The following HAGH variants were observed in gnomAD, a reference collection of about 807,000 sequenced individuals.
HAGH encodes the protein hydroxyacylglutathione hydrolase.
In HAGH, 29 loss-of-function variants were observed where a neutral mutation model predicts 35.1. That is an observed-to-expected ratio of 0.83 (90% confidence interval 0.62 to 1.13). HAGH has a LOEUF of 1.13. Among genes scored for constraint, HAGH ranks in the 50% most tolerant of loss-of-function variants. HAGH has a pLI of 0.00. For missense variants in HAGH, 478 were observed against 419.6 expected, an observed-to-expected ratio of 1.14 and a Z score of -1.22; for synonymous variants, 225 against 176.1, an observed-to-expected ratio of 1.28 and a Z score of -2.20.
At chr16:1,809,956 G>A in intron 7 of HAGH, 123 bp from the exon 8 acceptor site, 1 of 718,226 alleles carries the variant, frequency 1.4e-6, no homozygotes, top group Non-Finnish European at 2.5e-6. Flanking sequence ...TTGAGCCCTG[G>A]AGTTTGAGAC....
upstream of HAGH, chr16:1,827,144 G>GA (rs1898480924): frequency 1.3e-6 from 2 of 1,496,516 alleles, no homozygotes; most frequent in Non-Finnish European, 1.8e-6. Flanking sequence ...CGCTGCGGGG[G>GA]ACAGCGTTCC....
intron 5 of HAGH, among the ~76,000 whole-genome samples, chr16:1,817,819 G>C (rs1897976433): frequency 6.6e-6 from 1 of 152,202 alleles, no homozygotes; most frequent in South Asian, 2.1e-4. Flanking sequence ...GTCCCCGCTT[G>C]CCCTCCTCTT....
chr16:1,823,328 C>T (rs914134863), intron 1 of HAGH, among the ~76,000 whole-genome samples: 6 of 147,916 alleles, frequency 4.1e-5, no homozygotes, highest in Admixed American at 3.4e-4. Context: ...AGTGCAGTGG[C>T]GCGATCTCGG....
intron 7 of HAGH, among the ~76,000 whole-genome samples, chr16:1,814,932 C>T (rs201270694): frequency 1.5e-5 from 2 of 134,834 alleles, no homozygotes; most frequent in East Asian, 5.2e-4. Flanking sequence ...TATGTATATA[C>T]ACACACACAC....
chr16:1,822,213 G>C (rs921987308), intron 3 of HAGH, 87 bp downstream of exon 3: 29 of 814,650 alleles, frequency 3.6e-5, no homozygotes, highest in African/African-American at 3.0e-4. Context: ...ACAGAGCCGT[G>C]GGGGGAGACA....
chr16:1,822,443 G>C (rs574472717), intron 2 of HAGH, 79 bp from the exon 3 acceptor site: 1 of 1,084,890 alleles, frequency 9.2e-7, no homozygotes, highest in African/African-American at 1.5e-5. Context: ...AGGGTGCCCA[G>C]CAGAACCCAG....
intron 1 of HAGH, among the ~76,000 whole-genome samples, chr16:1,823,928 C>A (rs1035136699): frequency 6.6e-6 from 1 of 152,042 alleles, no homozygotes; most frequent in Admixed American, 6.6e-5. Context: ...CGAACCACTG[C>A]CAGTGCTGGA....
chr16:1,819,035 G>A (rs1003833836), intron 5 of HAGH, 80 bp downstream of exon 5: 2 of 879,810 alleles, frequency 2.3e-6, no homozygotes, highest in African/African-American at 3.3e-5. Context: ...AGGCCACGAA[G>A]CTGCCCCGTG....
At chr16:1,817,776 C>T (rs763137808) in intron 5 of HAGH, among the ~76,000 whole-genome samples, 8 of 152,234 alleles carry the variant, frequency 5.3e-5, no homozygotes, top group African/African-American at 1.7e-4. Flanking sequence ...GGCCTCAGGA[C>T]GGCATCCCCA....
At chr16:1,813,908 C>A (rs377637082) in intron 7 of HAGH, among the ~76,000 whole-genome samples, 1 of 152,158 alleles carries the variant, frequency 6.6e-6, no homozygotes, top group Non-Finnish European at 1.5e-5. Flanking sequence ...ATAGAGGGCC[C>A]ATTCTTTTCA....
chr16:1,819,341 GAAGGTGGGGCAGGTGCT>G (rs1281554591), intron 4 of HAGH, 118 bp from the exon 5 acceptor site: 1 of 643,236 alleles, frequency 1.6e-6, no homozygotes, highest in African/African-American at 1.8e-5. Context: ...AAATGCCCGT[GAAGGTGGGGCAGGTGCT>G]CCCCACCACG....
rs1013124263 is a variant in HAGH, at chr16:1,808,321, G to C, written c.*962C>G. ...AAATTTCATATTTTTTTTTTTTTGA[G>C]ACAGAGTCTTGCTCTGTCTCCCAGG... On this transcript the variant is annotated 3_prime_UTR_variant, in exon 9 of 9. Transcript: ENST00000397356. The C allele has an allele frequency of 1.3e-4, 20 of 149,200 alleles. No homozygotes were observed. Among genetic ancestry groups the C allele is most frequent in the Admixed American group, 1.2e-3 (18 of 14,998 alleles). The allele number at this position is 149,200 out of a possible 1,614,324, so 9.2% of individuals were successfully genotyped here.
At chr16:1,816,130 G>C (rs1897880426) in intron 7 of HAGH, among the ~76,000 whole-genome samples, 1 of 148,346 alleles carries the variant, frequency 6.7e-6, no homozygotes, top group Non-Finnish European at 1.5e-5. Context: ...CTTGAACCCG[G>C]GAGGTGCTGG....
At chr16:1,826,110 T>A (rs1362637497) in intron 1 of HAGH, among the ~76,000 whole-genome samples, 1 of 152,204 alleles carries the variant, frequency 6.6e-6, no homozygotes, top group East Asian at 1.9e-4. Context: ...CCTTGACAGC[T>A]TTCGGCGAGA....
At chr16:1,814,241 A>G (rs1053564961) in intron 7 of HAGH, among the ~76,000 whole-genome samples, 2 of 152,078 alleles carry the variant, frequency 1.3e-5, no homozygotes, top group African/African-American at 4.8e-5. Context: ...TTTGGAGCCC[A>G]AGGTGGGCAG....
intron 7 of HAGH, chr16:1,811,022 G>GA (rs1314500487): frequency 6.6e-6 from 1 of 152,236 alleles, no homozygotes; most frequent in East Asian, 1.9e-4. Context: ...TAAAACAGAG[G>GA]AAGTACAAAT....
chr16:1,822,534 C>T (rs1371302235), intron 2 of HAGH, among the ~76,000 whole-genome samples, 170 bp from the exon 3 acceptor site: 1 of 152,134 alleles, frequency 6.6e-6, no homozygotes, highest in Non-Finnish European at 1.5e-5. Flanking sequence ...GTGAAAGCAC[C>T]TTCTCCTTCC....
chr16:1,827,081 C>A, upstream of HAGH: 1 of 1,125,742 alleles, frequency 8.9e-7, no homozygotes, highest in South Asian at 1.6e-5. Flanking sequence ...TCCCTGGAGG[C>A]CGAGCGCCAC....
intron 7 of HAGH, among the ~76,000 whole-genome samples, chr16:1,812,198 CAAA>C (rs763735556): frequency 4.5e-5 from 5 of 110,646 alleles, no homozygotes. Flanking sequence ...TCTCCCCAAC[CAAA>C]AAAAAAAAAA....
Sources: gnomAD v4.1 joint callset for allele counts (sites outside exome capture counted in the v4.1 genomes callset) on GRCh38, gnomAD v4.1.1 for gene constraint, MANE v1.5 for transcripts, NCBI Gene and HGNC (gene_info 2026-07-23, HGNC 2026-07-21) for gene names.